CADPS2: variants seen among roughly 807,000 people sequenced by gnomAD.
The protein encoded by CADPS2 is calcium-dependent secretion activator 2.
Under a neutral mutation model 172.5 loss-of-function variants are expected in CADPS2, and 93 were observed. The observed-to-expected ratio is 0.54, with a 90% CI of 0.46 to 0.64. CADPS2 has a LOEUF of 0.64. Among genes scored for constraint, CADPS2 ranks in the 30% least tolerant of loss-of-function variants. CADPS2 has a pLI of 0.00. For synonymous variants in CADPS2, 546 were observed against 555.2 expected, an observed-to-expected ratio of 0.98 and a Z score of 0.23; for missense variants, 1,420 against 1,565.9, an observed-to-expected ratio of 0.91 and a Z score of 1.57.
intron 11 of CADPS2, among the ~76,000 whole-genome samples, chr7:122,484,399 AG>A (rs2057596194): frequency 6.6e-6 from 1 of 152,076 alleles, no homozygotes; most frequent in Non-Finnish European, 1.5e-5. Flanking sequence ...AGGGCAATTC[AG>A]GGTACGATAA....
chr7:122,411,267 C>T (rs2047281118), intron 19 of CADPS2, among the ~76,000 whole-genome samples: 1 of 150,006 alleles, frequency 6.7e-6, no homozygotes, highest in South Asian at 2.1e-4. Context: ...GTCGCCCAGG[C>T]TGGAGTGCAG....
intron 8 of CADPS2, among the ~76,000 whole-genome samples, chr7:122,545,923 T>C (rs1341553816): frequency 1.3e-5 from 2 of 152,154 alleles, no homozygotes; most frequent in African/African-American, 4.8e-5. Context: ...TTTAGAAGTA[T>C]TAATATTGAT....
In CADPS2 at chr7:122,619,673, C is replaced by T. The variant is rs915226679; in HGVS notation, c.1104+1808G>A. 5.9e-5 allele frequency among the ~76,000 whole-genome samples: 9 copies of T among 152,002 alleles called. No homozygotes were observed. In the East Asian group the frequency reaches 1.7e-3, roughly 29 times the overall value. On this transcript the variant is annotated intron_variant, in intron 5 of 29. Transcript: ENST00000449022. ...TAAACTCTTGTTGGAAAAAGTTATACTATAATTAAGGGACGAATTGTGTTT... is the reference window on the plus strand; with the variant it reads ...TAAACTCTTGTTGGAAAAAGTTATATTATAATTAAGGGACGAATTGTGTTT...
chr7:122,860,051 G>T (rs971858390), intron 1 of CADPS2, among the ~76,000 whole-genome samples: 4 of 152,040 alleles, frequency 2.6e-5, no homozygotes, highest in African/African-American at 9.7e-5. Context: ...AACGTTCTGG[G>T]ATTTATAAGT....
chr7:122,339,800 C>A (rs1030070717), intron 28 of CADPS2, among the ~76,000 whole-genome samples: 10 of 152,108 alleles, frequency 6.6e-5, no homozygotes, highest in African/African-American at 2.4e-4. Context: ...GCAAGAGAAT[C>A]ATTTGAACCT....
intron 28 of CADPS2, among the ~76,000 whole-genome samples, chr7:122,341,320 G>A (rs1753389723): frequency 1.3e-5 from 2 of 152,068 alleles, no homozygotes; most frequent in Admixed American, 6.6e-5. Context: ...CTATACTGAA[G>A]TACAAGACCC....
intron 5 of CADPS2, among the ~76,000 whole-genome samples, chr7:122,619,873 T>G (rs535092166): frequency 2.8e-4 from 42 of 152,306 alleles, no homozygotes; most frequent in African/African-American, 9.4e-4. Context: ...TGAAACCATT[T>G]GGCAAAGTCA....
intron 28 of CADPS2, among the ~76,000 whole-genome samples, chr7:122,334,203 CACA>C (rs1178869378): frequency 6.6e-5 from 10 of 151,296 alleles, no homozygotes; most frequent in Non-Finnish European, 1.2e-4. Flanking sequence ...TATGAGAATA[CACA>C]CACACACACA....
chr7:122,824,921 A>G (rs2140447075), intron 1 of CADPS2, among the ~76,000 whole-genome samples: 1 of 152,330 alleles, frequency 6.6e-6, no homozygotes, highest in South Asian at 2.1e-4. Flanking sequence ...TTTATTAAAA[A>G]GTCCATCTTT....
intron 28 of CADPS2, among the ~76,000 whole-genome samples, chr7:122,336,345 G>C (rs544155101): frequency 6.6e-6 from 1 of 152,306 alleles, no homozygotes; most frequent in East Asian, 1.9e-4. Context: ...ATTTGTTTAA[G>C]AAGTTAGGAT....
intron 2 of CADPS2, among the ~76,000 whole-genome samples, chr7:122,674,815 T>G (rs2082235830): frequency 6.6e-6 from 1 of 152,094 alleles, no homozygotes; most frequent in Non-Finnish European, 1.5e-5. Flanking sequence ...AGTACAAGAG[T>G]CTCACTTATA....
At chr7:122,670,683 T>A (rs2081735831) in intron 2 of CADPS2, among the ~76,000 whole-genome samples, 1 of 151,674 alleles carries the variant, frequency 6.6e-6, no homozygotes, top group Non-Finnish European at 1.5e-5. Context: ...GTATTTTTAG[T>A]AGAGACGAGG....
At chr7:122,353,237 T>A (rs1441359491) in intron 27 of CADPS2, among the ~76,000 whole-genome samples, 1 of 152,030 alleles carries the variant, frequency 6.6e-6, no homozygotes, top group Non-Finnish European at 1.5e-5. Flanking sequence ...TGAACGGAGA[T>A]CCTCGACCCC....
chr7:122,425,440 A>G (rs1156812743), intron 17 of CADPS2, among the ~76,000 whole-genome samples: 1 of 151,064 alleles, frequency 6.6e-6, no homozygotes, highest in Non-Finnish European at 1.5e-5. Context: ...AAAAAAAAAA[A>G]AAAAAAAAAA....
chr7:122,582,790 C>T (rs2069025583), intron 6 of CADPS2, among the ~76,000 whole-genome samples: 1 of 151,948 alleles, frequency 6.6e-6, no homozygotes, highest in African/African-American at 2.4e-5. Context: ...TCTCTTATAA[C>T]TGAAATAAAA....
rs1440953796 is a variant in CADPS2 at position 122,706,259 on chromosome 7, A to AATAT, written c.453+30692_453+30695dup. On this transcript the variant is annotated intron_variant, in intron 2 of 29. Transcript: ENST00000449022. ...TACATATATGCTTATATATTCAAGGAATATATATATGTTTATATATTCAAG... is the reference window on the plus strand; with the variant it reads ...TACATATATGCTTATATATTCAAGGAATATATATATATATGTTTATATATTCAAG... 1.0e-4 allele frequency among the ~76,000 whole-genome samples: 2 copies of AATAT among 19,716 alleles called. 1 individual carries two copies. The highest frequency in any genetic ancestry group is 2.7e-4 in the Non-Finnish European group (2 of 7,486). The allele number at this position is 19,716 out of a possible 152,430, so 12.9% of individuals were successfully genotyped here. A position where few individuals can be genotyped will look rare whatever the true frequency, so the allele number is the denominator to read the frequency against.
chr7:122,581,224 T>G lies in CADPS2; in HGVS notation c.1290A>C (p.Thr430=). The part of the protein sequence containing the change: ...PRPVVKVKLF[T]ESTGVLALED... ...CCAGGGCCAGAACTCCAGTGCTTTC[T>G]GTGAAGAGTTTCACTTTGACCACAG... The change falls in exon 7 of 30, where the codon ACA becomes ACC. Residue 430 remains threonine (T), a synonymous_variant. Coordinates refer to ENST00000449022, the MANE Select transcript of CADPS2 (RefSeq NM_017954.11). 6.2e-7 allele frequency: 1 copy of G among 1,613,328 alleles called. No homozygotes were observed. Among genetic ancestry groups the G allele is most frequent in the Non-Finnish European group, 8.5e-7 (1 of 1,179,438 alleles).
At chr7:122,500,257 G>A (rs60052865) in intron 9 of CADPS2, among the ~76,000 whole-genome samples, 1 of 151,712 alleles carries the variant, frequency 6.6e-6, no homozygotes, top group Non-Finnish European at 1.5e-5. Context: ...TTCTGACTCA[G>A]TGTCTTCATA....
intron 8 of CADPS2, among the ~76,000 whole-genome samples, chr7:122,531,126 C>G (rs951549457): frequency 2.6e-5 from 4 of 152,212 alleles, no homozygotes; most frequent in Admixed American, 1.3e-4. Context: ...CCATCAGTGA[C>G]AGCAAGCTGT....
Sources: allele counts gnomAD v4.1 joint callset (sites outside exome capture counted in the v4.1 genomes callset), GRCh38; gene constraint gnomAD v4.1.1; transcripts MANE v1.5; gene names NCBI Gene and HGNC (gene_info 2026-07-23, HGNC 2026-07-21).